The following HIVEP1 variants were observed in gnomAD, a reference collection of about 807,000 sequenced individuals.
The protein encoded by HIVEP1 is zinc finger protein 40.
Under a neutral mutation model 180.0 loss-of-function variants are expected in HIVEP1, and 36 were observed. That is an observed-to-expected ratio of 0.20 (90% CI 0.15 to 0.26). The LOEUF is 0.26. HIVEP1 is among the 10% of genes least tolerant of loss of function. HIVEP1 has a pLI of 1.00. For synonymous variants in HIVEP1, 1,239 were observed against 1,239.0 expected, an observed-to-expected ratio of 1.00 and a Z score of 0.00; for missense variants, 3,143 against 3,268.7, an observed-to-expected ratio of 0.96 and a Z score of 0.94.
Position 12,120,363 on chromosome 6 carries a change from T to C in HIVEP1, c.568T>C (p.Ser190Pro). 6.2e-7 allele frequency: 1 copy of C among 1,614,116 alleles called. No homozygotes were observed. The highest frequency in any genetic ancestry group is 8.5e-7 in the Non-Finnish European group (1 of 1,180,002). Residue 190 changes from serine to proline, a missense_variant, in exon 4 of 9, where the codon TCC becomes CCC. By Grantham distance (74) the Ser-to-Pro change is moderately conservative (BLOSUM62 -1). This residue lies in a region of HIVEP1 where 306 missense variants were observed against 310.6 expected (regional missense o/e 0.99). Transcript: ENST00000379388. ...ISSHCGTTSP[S>P]YTNTAFDVLL... The stretch of plus-strand genomic sequence containing the variant: ...TTCTCATTGTGGCACTACGTCCCCC[T>C]CCTATACAAACACTGCATTCGATGT...
the HIVEP1 span, among the ~76,000 whole-genome samples, chr6:12,177,141 C>G: frequency 6.6e-6 from 1 of 152,070 alleles, no homozygotes; most frequent in African/African-American, 2.4e-5. Flanking sequence ...AAGAAGAGAA[C>G]AGCAGACACT....
At chr6:12,200,988 A>C in the HIVEP1 span, among the ~76,000 whole-genome samples, 6 of 152,224 alleles carry the variant, frequency 3.9e-5, no homozygotes, top group African/African-American at 1.4e-4. Flanking sequence ...CTACAGATGA[A>C]TACTGAACCA....
chr6:12,149,471 A>G (rs1287961111), intron 7 of HIVEP1, among the ~76,000 whole-genome samples: 1 of 152,204 alleles, frequency 6.6e-6, no homozygotes, highest in Non-Finnish European at 1.5e-5. Context: ...CATTCATTAA[A>G]CAAAATGTAC....
chr6:12,086,851 A>G (rs10456464), intron 2 of HIVEP1, among the ~76,000 whole-genome samples: 54,293 of 152,018 alleles, frequency 0.36, 10,494 homozygotes, highest in East Asian at 0.66. Context: ...TTTACATATC[A>G]GTAAACTGTC....
chr6:12,089,985 C>T (rs1773366172), intron 3 of HIVEP1, among the ~76,000 whole-genome samples: 1 of 151,834 alleles, frequency 6.6e-6, no homozygotes, highest in Non-Finnish European at 1.5e-5. Flanking sequence ...ATTTATATGC[C>T]TTTGTATTAT....
intron 2 of HIVEP1, among the ~76,000 whole-genome samples, chr6:12,016,738 G>T (rs1037002034): frequency 3.9e-5 from 6 of 152,208 alleles, no homozygotes; most frequent in Non-Finnish European, 8.8e-5. Context: ...AACAAGTGTG[G>T]TGTGTGGAAA....
At chr6:12,053,907 A>G (rs902396754) in intron 2 of HIVEP1, among the ~76,000 whole-genome samples, 7 of 152,216 alleles carry the variant, frequency 4.6e-5, no homozygotes, top group African/African-American at 9.7e-5. Context: ...ATTTTTTTCA[A>G]TAAAGAATAT....
chr6:12,099,101 G>A (rs902305279), intron 3 of HIVEP1, among the ~76,000 whole-genome samples: 4 of 151,956 alleles, frequency 2.6e-5, no homozygotes, highest in African/African-American at 7.3e-5. Context: ...GGTGGGAGGT[G>A]GACTGCAGGA....
At chr6:12,084,489 A>G (rs755391757) in intron 2 of HIVEP1, among the ~76,000 whole-genome samples, 1 of 152,152 alleles carries the variant, frequency 6.6e-6, no homozygotes, top group East Asian at 1.9e-4. Context: ...TTACAAGAGC[A>G]TGTATAAATG....
Position 12,123,507 on chromosome 6 carries a change from T to C in HIVEP1, c.3712T>C (p.Leu1238=). 2 of 1,614,096 alleles carry C rather than the reference T, an allele frequency of 1.2e-6. No homozygotes were observed. The highest frequency in any genetic ancestry group is 2.2e-5 in the East Asian group (1 of 44,870). ...GCACAACATCCAAGTTCCAGAGATT[T>C]TGGTCACAGAAGAACCAGATCGAGA... ...RQHNIQVPEI[L]VTEEPDRDLE... Residue 1238 remains leucine, a synonymous_variant, in exon 4 of 9, where the codon TTG becomes CTG. Coordinates refer to ENST00000379388, the MANE Select transcript of HIVEP1 (RefSeq NM_002114.4).
the HIVEP1 span, among the ~76,000 whole-genome samples, chr6:12,193,945 A>T: frequency 6.6e-6 from 1 of 152,222 alleles, no homozygotes; most frequent in Non-Finnish European, 1.5e-5. Flanking sequence ...ATTCAATATT[A>T]AAAGGAAATA....
At chr6:12,182,401 AT>A in the HIVEP1 span, among the ~76,000 whole-genome samples, 2 of 152,226 alleles carry the variant, frequency 1.3e-5, no homozygotes, top group East Asian at 1.9e-4. Context: ...AAGCAAAAAA[AT>A]AACAGGCATA....
intron 2 of HIVEP1, among the ~76,000 whole-genome samples, chr6:12,042,137 T>C (rs1484571254): frequency 3.4e-5 from 5 of 148,830 alleles, no homozygotes; most frequent in South Asian, 2.1e-4. Context: ...CGGACTGCAG[T>C]GGCGCAATCT....
At chr6:12,008,136 A>G (rs1767103744), upstream of HIVEP1, 1 of 152,214 alleles carries the variant, frequency 6.6e-6, no homozygotes, top group African/African-American at 2.4e-5. Context: ...TAGTGTCCAG[A>G]CAAAAGAAAA....
intron 2 of HIVEP1, among the ~76,000 whole-genome samples, chr6:12,059,616 C>T (rs950383797): frequency 6.6e-6 from 1 of 152,168 alleles, no homozygotes; most frequent in African/African-American, 2.4e-5. Flanking sequence ...GGGTTCTCCT[C>T]GCCTACTGTG....
At chr6:12,051,012 ATATATATATATATATATATG>A (rs1477249622) in intron 2 of HIVEP1, among the ~76,000 whole-genome samples, 14 of 124,926 alleles carry the variant, frequency 1.1e-4, no homozygotes, top group East Asian at 6.3e-4. Flanking sequence ...ATATATATAT[ATATATATATATATATATATG>A]TATATTAAAA....
intron 2 of HIVEP1, among the ~76,000 whole-genome samples, chr6:12,036,801 G>C (rs1581544014): frequency 6.6e-6 from 1 of 152,240 alleles, no homozygotes; most frequent in East Asian, 1.9e-4. Context: ...CCAGCTACTT[G>C]GGAAGCTGAG....
chr6:12,173,899 A>G, the HIVEP1 span, among the ~76,000 whole-genome samples: 13,783 of 152,258 alleles, frequency 0.091, 775 homozygotes, highest in Middle Eastern at 0.15. Flanking sequence ...TCAGTCAATT[A>G]GCCAGGCATG....
chr6:12,014,075 T>C (rs2113558049), intron 1 of HIVEP1, among the ~76,000 whole-genome samples: 1 of 152,332 alleles, frequency 6.6e-6, no homozygotes, highest in Non-Finnish European at 1.5e-5. Flanking sequence ...GCGTCTACAA[T>C]GTTTAGTTTA....
Sources: gnomAD v4.1 joint callset for allele counts (sites outside exome capture counted in the v4.1 genomes callset) on GRCh38, gnomAD v4.1.1 for gene constraint, gnomAD v4.1.1 regional missense constraint, MANE v1.5 for transcripts, NCBI Gene and HGNC (gene_info 2026-07-23, HGNC 2026-07-21) for gene names.